Variants in ZNF138 observed in about 807,000 individuals in gnomAD.
ZNF138 encodes the protein zinc finger protein 138.
ZNF138 carries 33 observed loss-of-function variants against 33.0 expected under a neutral mutation model. That is an observed-to-expected ratio of 1.00 (90% CI 0.76 to 1.34). The LOEUF (loss-of-function observed/expected upper bound fraction) is 1.34. Ranked by LOEUF, ZNF138 falls within the 40% of genes most tolerant of loss-of-function variation. ZNF138 has a pLI of 0.00. For missense variants in ZNF138, 360 were observed against 370.8 expected (o/e 0.97, Z 0.24); for synonymous variants, 139 against 120.4 (o/e 1.15, Z -1.01).
chr7:64,814,563 G>T (rs1479530373), intron 1 of ZNF138, among the ~76,000 whole-genome samples: 1 of 152,124 alleles, frequency 6.6e-6, no homozygotes, highest in African/African-American at 2.4e-5. Flanking sequence ...TCAGGAGTTC[G>T]AGACCAGCCT....
rs778480517 is a variant in ZNF138, at chr7:64,794,543, C to T, written c.-26C>T. 1.9e-6 allele frequency: 3 copies of T among 1,613,166 alleles called. No individual in the cohort carries two copies. The highest frequency in any genetic ancestry group is 2.5e-6 in the Non-Finnish European group (3 of 1,179,476). On this transcript the variant is annotated 5_prime_UTR_variant, in exon 1 of 4. In the 5' UTR this introduces an upstream ATG that the reference lacks. Coordinates refer to ENST00000307355, the MANE Select transcript of ZNF138 (RefSeq NM_001271639.2). ...GTTATTGGGAGATTCACAGCTAAGA[C>T]GCCAGGATCCCCCGGAAGCCTAGAA...
At chr7:64,842,442 A>G in the ZNF138 span, among the ~76,000 whole-genome samples, 1 of 152,146 alleles carries the variant, frequency 6.6e-6, no homozygotes, top group Non-Finnish European at 1.5e-5. Flanking sequence ...TTGGAATAAT[A>G]TTTCTTGTCC....
the ZNF138 span, among the ~76,000 whole-genome samples, chr7:64,858,055 A>G: frequency 6.6e-6 from 1 of 152,230 alleles, no homozygotes; most frequent in Non-Finnish European, 1.5e-5. Context: ...TTCTGTGCAT[A>G]TTGCCTAGCT....
At chr7:64,837,492 A>C (rs1273037333), downstream of ZNF138, among the ~76,000 whole-genome samples, 3 of 152,068 alleles carry the variant, frequency 2.0e-5, no homozygotes, top group South Asian at 2.1e-4. Context: ...CTCTTGAAAG[A>C]GGAAGGGGCG....
In ZNF138 at chr7:64,831,687, C is replaced by T. The variant is rs777105687; in HGVS notation, c.445C>T (p.His149Tyr). 6.2e-7 allele frequency: 1 copy of T among 1,607,162 alleles called. No individual in the cohort carries two copies. The highest frequency in any genetic ancestry group is 1.1e-5 in the South Asian group (1 of 89,162). The part of the protein sequence containing the change: ...FQCNKYVKVM[H>Y]KFSNSNRHKI... Reference sequence around the variant, plus strand: ...ATGTAATAAATATGTAAAAGTCATGCATAAATTTTCAAATTCAAATAGACA... The same window carrying T: ...ATGTAATAAATATGTAAAAGTCATGTATAAATTTTCAAATTCAAATAGACA... The change falls in exon 4 of 4, where the codon CAT becomes TAT. Residue 149 changes from histidine to tyrosine, a missense_variant. Coordinates refer to ENST00000307355, the MANE Select transcript of ZNF138 (RefSeq NM_001271639.2).
At chr7:64,813,335 G>A (rs1303045177) in intron 1 of ZNF138, among the ~76,000 whole-genome samples, 1 of 151,972 alleles carries the variant, frequency 6.6e-6, no homozygotes, top group African/African-American at 2.4e-5. Context: ...AAATTATTAA[G>A]AGATCCCTGC....
chr7:64,842,774 A>G, the ZNF138 span, among the ~76,000 whole-genome samples: 1 of 152,226 alleles, frequency 6.6e-6, no homozygotes, highest in Non-Finnish European at 1.5e-5. Flanking sequence ...TTGGAAGTAT[A>G]TATACATTGT....
chr7:64,809,714 G>A (rs1301074539), intron 1 of ZNF138, among the ~76,000 whole-genome samples: 39 of 144,334 alleles, frequency 2.7e-4, no homozygotes, highest in Admixed American at 1.8e-3. Flanking sequence ...GGCGGTTGCC[G>A]GGCAGAGGGT....
intron 3 of ZNF138, among the ~76,000 whole-genome samples, chr7:64,828,582 A>G (rs749038156): frequency 6.6e-6 from 1 of 152,072 alleles, no homozygotes; most frequent in Non-Finnish European, 1.5e-5. Flanking sequence ...GCTTTTACCT[A>G]TTGGCTTTCA....
In ZNF138 at chr7:64,794,578, G is replaced by A; in HGVS notation, c.3+7G>A. On this transcript the variant is annotated splice_region_variant and intron_variant, in intron 1 of 3. Coordinates refer to ENST00000307355, the MANE Select transcript of ZNF138 (RefSeq NM_001271639.2). ...CCCCGGAAGCCTAGAAATGGTGAGA[G>A]TGCTGGGTCCGACATCCCGAGAGAG... 3 of 1,613,696 alleles carry A rather than the reference G, an allele frequency of 1.9e-6. No homozygotes were observed. Among genetic ancestry groups the A allele is most frequent in the South Asian group, 2.2e-5 (2 of 91,086 alleles).
chr7:64,815,449 T>G, intron 2 of ZNF138, 127 bp from the exon 3 acceptor site: 2 of 683,636 alleles, frequency 2.9e-6, no homozygotes, highest in Non-Finnish European at 4.5e-6. Context: ...CATTTTGGGA[T>G]TAATTTACTA....
At chr7:64,828,874 A>G (rs117840938) in intron 3 of ZNF138, among the ~76,000 whole-genome samples, 305 of 152,170 alleles carry the variant, frequency 2.0e-3, no homozygotes, top group Non-Finnish European at 3.7e-3. Flanking sequence ...GAAAACTGCA[A>G]TGAGAAATTT....
chr7:64,798,455 TTATACA>T (rs1355860028), intron 1 of ZNF138, among the ~76,000 whole-genome samples: 1 of 152,230 alleles, frequency 6.6e-6, no homozygotes, highest in Non-Finnish European at 1.5e-5. Flanking sequence ...AAAGAAAATC[TTATACA>T]TAGTGCTAGC....
chr7:64,830,999 C>G, intron 3 of ZNF138: 1 of 1,551,676 alleles, frequency 6.4e-7, no homozygotes, highest in South Asian at 1.2e-5. Context: ...AAGTATCCTG[C>G]CATTTGTTTC....
downstream of ZNF138, among the ~76,000 whole-genome samples, chr7:64,834,851 AATT>A (rs1217162491): frequency 6.6e-6 from 1 of 152,214 alleles, no homozygotes; most frequent in Non-Finnish European, 1.5e-5. Flanking sequence ...ATTAGTATAT[AATT>A]TTACTAATTG....
rs148108875 is a variant in ZNF138 at position 64,830,919 on chromosome 7, C to T, written c.209-532C>T. ...AATAGTCAGTAGTCACTTGCTACAACTGTTCCCTGTCTCTTTGCAGCTGTA... is the reference window on the plus strand; with the variant it reads ...AATAGTCAGTAGTCACTTGCTACAATTGTTCCCTGTCTCTTTGCAGCTGTA... On this transcript the variant is annotated intron_variant, in intron 3 of 3. Coordinates refer to ENST00000307355, the MANE Select transcript of ZNF138 (RefSeq NM_001271639.2). 5.0e-4 allele frequency: 772 copies of T among 1,546,782 alleles called. 4 individuals are homozygous for T. Among genetic ancestry groups the T allele is most frequent in the African/African-American group, 4.7e-3 (342 of 72,876 alleles).
intron 1 of ZNF138, among the ~76,000 whole-genome samples, chr7:64,804,850 G>A (rs1787446091): frequency 6.6e-6 from 1 of 152,192 alleles, no homozygotes; most frequent in Non-Finnish European, 1.5e-5. Context: ...ATGGCTAGGA[G>A]ATGAGAGCGG....
intron 3 of ZNF138, among the ~76,000 whole-genome samples, chr7:64,822,428 A>AT (rs1789245032): frequency 1.3e-5 from 2 of 151,654 alleles, no homozygotes; most frequent in South Asian, 4.1e-4. Context: ...ATTAACAGTG[A>AT]TTTTTTAGGT....
chr7:64,837,977 G>A (rs1383228032), downstream of ZNF138, among the ~76,000 whole-genome samples: 2 of 152,182 alleles, frequency 1.3e-5, no homozygotes, highest in African/African-American at 4.8e-5. Flanking sequence ...GCGTCTGGCG[G>A]TAGGTGGAGG....
Sources: allele counts gnomAD v4.1 joint callset (sites outside exome capture counted in the v4.1 genomes callset), GRCh38; gene constraint gnomAD v4.1.1; transcripts MANE v1.5; gene names NCBI Gene and HGNC (gene_info 2026-07-23, HGNC 2026-07-21).